Variants in CDH13 observed in about 807,000 individuals in gnomAD.
CDH13 encodes the protein cadherin 13, also known as cadherin-13.
In CDH13, 24 loss-of-function variants were observed where a neutral mutation model predicts 63.8. That is an observed-to-expected ratio of 0.38 (90% confidence interval 0.27 to 0.53). CDH13 has a LOEUF of 0.53. Ranked by LOEUF, CDH13 falls within the 20% of genes least tolerant of loss-of-function variation. CDH13 has a pLI of 0.85. For synonymous variants in CDH13, 503 were observed against 355.3 expected, an observed-to-expected ratio of 1.42 and a Z score of -4.67; for missense variants, 1,049 against 903.1, an observed-to-expected ratio of 1.16 and a Z score of -2.07.
At chr16:83,129,035 G>C (rs1408366811) in intron 4 of CDH13, among the ~76,000 whole-genome samples, 5 of 152,012 alleles carry the variant, frequency 3.3e-5, no homozygotes, top group Non-Finnish European at 7.4e-5. Context: ...TTTCCTTTTT[G>C]TTCCTGCTTG....
intron 10 of CDH13, among the ~76,000 whole-genome samples, chr16:83,718,898 G>C (rs1192880128): frequency 6.6e-6 from 1 of 152,192 alleles, no homozygotes; most frequent in Non-Finnish European, 1.5e-5. Flanking sequence ...CAGTCATTGG[G>C]TGAGGGTTGC....
At chr16:83,664,534 A>G (rs1469232839) in intron 8 of CDH13, among the ~76,000 whole-genome samples, 2 of 146,690 alleles carry the variant, frequency 1.4e-5, no homozygotes, top group East Asian at 3.9e-4. Context: ...TTTATATTAT[A>G]TTTCATATTA....
rs1416800561 is a variant in CDH13 at position 83,207,542 on chromosome 16, T to C, written c.484-9803T>C. On this transcript the variant is annotated intron_variant, in intron 4 of 13. Coordinates refer to ENST00000567109, the MANE Select transcript of CDH13 (RefSeq NM_001257.5). ...ATCCATTCATCTGTTGATGGACACC[T>C]GAGTTGTTCCCACATTTTGGCTATT... Among the ~76,000 whole-genome samples the C allele has an allele frequency of 2.0e-5, 3 of 152,324 alleles. No individual in the cohort carries two copies. In the South Asian group the frequency reaches 6.2e-4, roughly 32 times the overall value.
intron 7 of CDH13, among the ~76,000 whole-genome samples, chr16:83,511,108 G>GCATGCACACACACATGCACATGTACACA (rs1567724699): frequency 2.4e-5 from 1 of 40,908 alleles, no homozygotes; most frequent in Non-Finnish European, 4.8e-5. Context: ...ACACATGCAC[G>GCATGCACACACACATGCACATGTACACA]CATGCACACA....
At chr16:83,379,134 G>T (rs1046919384) in intron 6 of CDH13, among the ~76,000 whole-genome samples, 1 of 151,974 alleles carries the variant, frequency 6.6e-6, no homozygotes, top group Admixed American at 6.6e-5. Context: ...CTTCAACCTG[G>T]TTTGTTGGCA....
At chr16:83,460,881 A>G (rs8056573) in intron 6 of CDH13, among the ~76,000 whole-genome samples, 67,892 of 150,012 alleles carry the variant, frequency 0.45, 15,625 homozygotes, top group Middle Eastern at 0.54. Flanking sequence ...GCCCATGCCT[A>G]TGGTCCTAGC....
At chr16:83,765,537 TC>T (rs1597199750) in intron 11 of CDH13, among the ~76,000 whole-genome samples, 1 of 50,132 alleles carries the variant, frequency 2.0e-5, no homozygotes, top group East Asian at 4.5e-4. Flanking sequence ...TTAACATTTT[TC>T]TATATATATA....
At chr16:83,143,807 C>T (rs767662938) in intron 4 of CDH13, among the ~76,000 whole-genome samples, 1 of 152,076 alleles carries the variant, frequency 6.6e-6, no homozygotes, top group Admixed American at 6.6e-5. Context: ...TCACCCACTA[C>T]TCCTCTTTGC....
At chr16:82,753,527 C>G (rs902323671) in intron 1 of CDH13, among the ~76,000 whole-genome samples, 3 of 152,110 alleles carry the variant, frequency 2.0e-5, no homozygotes, top group Non-Finnish European at 4.4e-5. Context: ...AGATATTGCC[C>G]CATGCATGGC....
At chr16:83,569,819 C>A (rs972848446) in intron 7 of CDH13, among the ~76,000 whole-genome samples, 1 of 152,198 alleles carries the variant, frequency 6.6e-6, no homozygotes, top group African/African-American at 2.4e-5. Context: ...TCACTGCAAC[C>A]TCTGCCTCCC....
intron 13 of CDH13, among the ~76,000 whole-genome samples, chr16:83,787,302 A>ATTGT (rs201491175): frequency 0.027 from 4,117 of 151,950 alleles, 93 homozygotes; most frequent in Non-Finnish European, 0.038. Context: ...ATTCATCTTT[A>ATTGT]TTGTTTGTTT....
intron 10 of CDH13, among the ~76,000 whole-genome samples, chr16:83,711,951 C>G (rs1198286381): frequency 6.6e-6 from 1 of 152,198 alleles, no homozygotes; most frequent in Non-Finnish European, 1.5e-5. Context: ...AGTCTGAGAT[C>G]AAGGTGTTGG....
At chr16:82,638,967 T>C (rs763648895) in intron 1 of CDH13, among the ~76,000 whole-genome samples, 5 of 152,214 alleles carry the variant, frequency 3.3e-5, no homozygotes, top group Admixed American at 6.5e-5. Context: ...TAGAGGCGAC[T>C]CTTATTCCCA....
At chr16:83,656,618 C>T (rs1912894362) in intron 8 of CDH13, among the ~76,000 whole-genome samples, 2 of 152,260 alleles carry the variant, frequency 1.3e-5, no homozygotes, top group Non-Finnish European at 2.9e-5. Flanking sequence ...GGCATTGTTA[C>T]CCTTGAATGG....
At chr16:82,856,470 G>C (rs1157462588) in intron 1 of CDH13, among the ~76,000 whole-genome samples, 2 of 151,422 alleles carry the variant, frequency 1.3e-5, no homozygotes, top group Non-Finnish European at 2.9e-5. Flanking sequence ...GGGAAGTCGA[G>C]GTGGGTGGAT....
intron 2 of CDH13, among the ~76,000 whole-genome samples, chr16:82,922,412 GAGT>G (rs986025534): frequency 5.3e-5 from 8 of 152,182 alleles, no homozygotes; most frequent in African/African-American, 1.9e-4. Flanking sequence ...ACATGCCAGG[GAGT>G]AGAACTCAGA....
intron 7 of CDH13, among the ~76,000 whole-genome samples, chr16:83,547,378 G>A (rs1008986534): frequency 6.3e-4 from 96 of 152,102 alleles, no homozygotes; most frequent in African/African-American, 2.3e-3. Context: ...ATGCCATGGG[G>A]GTTTGGTGTA....
chr16:82,930,410 A>G (rs1034360294), intron 2 of CDH13, among the ~76,000 whole-genome samples: 1 of 152,216 alleles, frequency 6.6e-6, no homozygotes, highest in African/African-American at 2.4e-5. Context: ...TAAGCACTTT[A>G]TATATGTTAT....
chr16:82,929,396 C>G (rs867534991), intron 2 of CDH13, among the ~76,000 whole-genome samples: 1 of 151,938 alleles, frequency 6.6e-6, no homozygotes, highest in Non-Finnish European at 1.5e-5. Flanking sequence ...AATCCCAGCA[C>G]TTTGGGAGGC....
Sources: allele counts gnomAD v4.1 joint callset (sites outside exome capture counted in the v4.1 genomes callset), GRCh38; gene constraint gnomAD v4.1.1; transcripts MANE v1.5; gene names NCBI Gene and HGNC (gene_info 2026-07-23, HGNC 2026-07-21).